The following STAG3 variants were observed in gnomAD, a reference collection of about 807,000 sequenced individuals.
STAG3 encodes the protein STAG3 cohesin complex component, also known as cohesin subunit SA-3.
A neutral mutation model predicts 160.7 loss-of-function variants in STAG3; 101 were observed. The ratio of observed to expected loss-of-function variants is 0.63; its 90% CI spans 0.54 to 0.74. The LOEUF (loss-of-function observed/expected upper bound fraction) is 0.74. Among genes scored for constraint, STAG3 ranks in the 30% least tolerant of loss-of-function variants. The probability of loss-of-function intolerance (pLI) is 0.00; values close to 1 mark genes in which losing one functional copy is unlikely to be tolerated. For missense variants in STAG3, 1,188 were observed against 1,517.4 expected (o/e 0.78, Z 3.61); for synonymous variants, 519 against 585.0 (o/e 0.89, Z 1.63).
chr7:100,178,596 AT>A (rs1250855466), intron 1 of STAG3, among the ~76,000 whole-genome samples: 70 of 131,270 alleles, frequency 5.3e-4, no homozygotes, highest in Non-Finnish European at 7.1e-4. Context: ...TTTCCATTTA[AT>A]TTTTTTTTTT....
chr7:100,178,466 T>C (rs149468135), intron 1 of STAG3, among the ~76,000 whole-genome samples: 1 of 152,060 alleles, frequency 6.6e-6, no homozygotes, highest in Admixed American at 6.5e-5. Flanking sequence ...TTATTTTTTT[T>C]ATTTCATTTT....
At chr7:100,212,257 C>G in intron 32 of STAG3, 1 of 182,676 alleles carries the variant, frequency 5.5e-6, no homozygotes, top group Non-Finnish European at 1.2e-5. Flanking sequence ...TCCTCCATCT[C>G]CCTACTAGAG....
chr7:100,195,587 C>T (rs2117231142), intron 9 of STAG3, among the ~76,000 whole-genome samples: 2 of 152,310 alleles, frequency 1.3e-5, no homozygotes, highest in Middle Eastern at 6.8e-3. Context: ...GTAAGTGCTT[C>T]TGGGAGAAAA....
intron 30 of STAG3, 38 bp downstream of exon 30, chr7:100,211,223 A>T: frequency 6.5e-7 from 1 of 1,534,772 alleles, no homozygotes; most frequent in Non-Finnish European, 8.7e-7. Flanking sequence ...CTGAGTTCCC[A>T]GTTTGGTGTC....
In STAG3 at chr7:100,213,634, A is replaced by G. The variant is rs995510002; in HGVS notation, c.3601-101A>G. Reference sequence around the variant, plus strand: ...GGTGCCATAGGGGCCTGCTGTGCCCATATTTGTTCTTATGAGGCTGGGAAA... The same window carrying G: ...GGTGCCATAGGGGCCTGCTGTGCCCGTATTTGTTCTTATGAGGCTGGGAAA... On this transcript the variant is annotated intron_variant, in intron 32 of 33. Transcript: ENST00000615138. 26 of 1,585,266 alleles carry G rather than the reference A, an allele frequency of 1.6e-5. No individual in the cohort carries two copies. The East Asian group carries it at 1.8e-4, about 11-fold the overall frequency.
chr7:100,182,791 A>G lies in STAG3; in HGVS notation c.288A>G (p.Pro96=). The part of the protein sequence containing the change: ...HRHSRKQSEP[P]ANDLFNAVKA... Reference sequence around the variant, plus strand: ...ATAGCCGGAAACAGTCAGAGCCACCAGCCAATGATCTTTTCAATGCTGTGA... The same window carrying G: ...ATAGCCGGAAACAGTCAGAGCCACCGGCCAATGATCTTTTCAATGCTGTGA... The change falls in exon 4 of 34, where the codon CCA becomes CCG. Residue 96 remains proline, a synonymous_variant. Coordinates refer to ENST00000615138, the MANE Select transcript of STAG3 (RefSeq NM_001282717.2). The G allele has an allele frequency of 1.2e-6, 2 of 1,613,992 alleles. No homozygotes were observed. The highest frequency in any genetic ancestry group is 1.7e-6 in the Non-Finnish European group (2 of 1,179,888).
At position 100,207,448 on chromosome 7, in the gene STAG3, A is replaced by C. The variant is rs1377906661; in HGVS notation, c.3238+2064A>C. ...AGGTGTGGTATCTCATTGTGGTTTA[A>C]ATTTGCATTTCCCTAATGACAAATG... On this transcript the variant is annotated intron_variant, in intron 29 of 33. Coordinates refer to ENST00000615138, the MANE Select transcript of STAG3 (RefSeq NM_001282717.2). This position sits in a 1 kb window ranked among gnomAD's most constrained non-coding sequence, Gnocchi z 4.0. 6.6e-6 allele frequency among the ~76,000 whole-genome samples: 1 copy of C among 152,082 alleles called. No individual in the cohort carries two copies.
At position 100,214,066 on chromosome 7, in the gene STAG3, C is replaced by T. The variant is rs1307160824; in HGVS notation, c.*51C>T. ...CCACTCCCTACCTCAAGAATGTGACCATTTGGAAAAGGCAAAGAGAAAAGG... is the reference window on the plus strand; with the variant it reads ...CCACTCCCTACCTCAAGAATGTGACTATTTGGAAAAGGCAAAGAGAAAAGG... On this transcript the variant is annotated 3_prime_UTR_variant, in exon 34 of 34. Coordinates refer to ENST00000615138, the MANE Select transcript of STAG3 (RefSeq NM_001282717.2). The T allele has an allele frequency of 1.9e-6, 3 of 1,607,108 alleles. No homozygotes were observed. The highest frequency in any genetic ancestry group is 2.7e-5 in the African/African-American group (2 of 74,676).
intron 8 of STAG3, among the ~76,000 whole-genome samples, chr7:100,193,686 T>A (rs1207758536): frequency 6.6e-6 from 1 of 152,202 alleles, no homozygotes; most frequent in African/African-American, 2.4e-5. Context: ...GGAAAACAGC[T>A]AGGACATTGA....
chr7:100,205,658 C>T (rs1351085795), intron 29 of STAG3, among the ~76,000 whole-genome samples: 1 of 151,818 alleles, frequency 6.6e-6, no homozygotes, highest in African/African-American at 2.4e-5. Flanking sequence ...GGTGAAACCC[C>T]GTCTCTACTA....
downstream of STAG3, among the ~76,000 whole-genome samples, chr7:100,217,349 G>A (rs1386793614): frequency 6.6e-6 from 1 of 152,248 alleles, no homozygotes; most frequent in East Asian, 1.9e-4. Context: ...CCAGGCCCAG[G>A]CCAGGCTGGA....
intron 12 of STAG3, 126 bp from the exon 13 acceptor site, chr7:100,198,349 G>A (rs1800832277): frequency 4.2e-6 from 5 of 1,189,860 alleles, no homozygotes; most frequent in East Asian, 4.7e-5. Flanking sequence ...TTTGTCTTCC[G>A]CTCTTCATTT....
chr7:100,188,203 G>T (rs1800148594), intron 5 of STAG3, among the ~76,000 whole-genome samples: 1 of 152,158 alleles, frequency 6.6e-6, no homozygotes, highest in African/African-American at 2.4e-5. Flanking sequence ...GCCTGGTTGT[G>T]TGAGGTGTGG....
At chr7:100,202,666 C>T in intron 25 of STAG3, 76 bp downstream of exon 25, 1 of 1,538,504 alleles carries the variant, frequency 6.5e-7, no homozygotes, top group South Asian at 1.2e-5. Flanking sequence ...CATAATAGCA[C>T]TACAGGTGGG....
intron 6 of STAG3, 55 bp from the exon 7 acceptor site, chr7:100,188,757 T>G: frequency 6.4e-7 from 1 of 1,573,676 alleles, no homozygotes; most frequent in Non-Finnish European, 8.7e-7. Flanking sequence ...CAAGCCCCTA[T>G]GACTTCATGG....
chr7:100,203,090 T>C (rs1433603388), intron 25 of STAG3, among the ~76,000 whole-genome samples: 1 of 152,180 alleles, frequency 6.6e-6, no homozygotes, highest in East Asian at 1.9e-4. Flanking sequence ...GAGAGACAAA[T>C]AGTGAAGGTG....
chr7:100,207,291 CCA>C lies in STAG3; in HGVS notation c.3238+1911_3238+1912del, dbSNP rs1166833897. ...CTATGTTTAAGTTTTTGAGGAACTA[CCA>C]CACTGTTTTCCAAAGTACCTACACC... On this transcript the variant is annotated intron_variant, in intron 29 of 33. Transcript: ENST00000615138. This position sits in a 1 kb window ranked among gnomAD's most constrained non-coding sequence, Gnocchi z 4.0. 6.6e-6 allele frequency among the ~76,000 whole-genome samples: 1 copy of C among 152,182 alleles called. No homozygotes were observed. The highest frequency in any genetic ancestry group is 2.4e-5 in the African/African-American group (1 of 41,426).
At position 100,207,702 on chromosome 7, in the gene STAG3, T is replaced by C. The variant is rs966949271; in HGVS notation, c.3238+2318T>C. Reference sequence around the variant, plus strand: ...GTGGTGTCCTTTGAAACACAAAAGTTCTTGAATTTGGTGAAATCTAACTTT... The same window carrying C: ...GTGGTGTCCTTTGAAACACAAAAGTCCTTGAATTTGGTGAAATCTAACTTT... On this transcript the variant is annotated intron_variant, in intron 29 of 33. Transcript: ENST00000615138. This position sits in a 1 kb window ranked among gnomAD's most constrained non-coding sequence, Gnocchi z 4.0. 2.4e-4 allele frequency among the ~76,000 whole-genome samples: 36 copies of C among 152,234 alleles called. No individual in the cohort carries two copies. Among genetic ancestry groups the C allele is most frequent in the Admixed American group, 1.7e-3 (26 of 15,286 alleles).
At chr7:100,192,183 A>G (rs1800383494) in intron 8 of STAG3, among the ~76,000 whole-genome samples, 3 of 152,332 alleles carry the variant, frequency 2.0e-5, no homozygotes, top group South Asian at 2.1e-4. Flanking sequence ...TAATGTTGAT[A>G]TTTTGACCTC....
Sources: gnomAD v4.1 joint callset for allele counts (sites outside exome capture counted in the v4.1 genomes callset) on GRCh38, gnomAD v4.1.1 for gene constraint, Gnocchi (gnomAD v3.1) non-coding constraint, MANE v1.5 for transcripts, NCBI Gene and HGNC (gene_info 2026-07-23, HGNC 2026-07-21) for gene names.